The following ASH1L variants were observed in gnomAD, a reference collection of about 807,000 sequenced individuals.
The protein encoded by ASH1L is histone-lysine N-methyltransferase ASH1L.
A neutral mutation model predicts 269.0 loss-of-function variants in ASH1L; 23 were observed. The observed-to-expected ratio is 0.09, with a 90% CI of 0.06 to 0.12. ASH1L has a LOEUF of 0.12. Among genes scored for constraint, ASH1L ranks in the 10% least tolerant of loss-of-function variants. The pLI is 1.00. For missense variants in ASH1L, 2,912 were observed against 3,567.8 expected (o/e 0.82, Z 4.68); for synonymous variants, 1,187 against 1,253.5 (o/e 0.95, Z 1.12).
At chr1:155,556,580 G>A (rs1671607204) in intron 1 of ASH1L, among the ~76,000 whole-genome samples, 1 of 151,986 alleles carries the variant, frequency 6.6e-6, no homozygotes, top group Admixed American at 6.6e-5. Flanking sequence ...GAGTAGCTGG[G>A]ACTACAGGCA....
rs1558075618 is a variant in ASH1L at position 155,411,586 on chromosome 1, A to ATATATAT, written c.6008+4157_6008+4158insATATATA. ...AAATATGAATATAAATAAATAAATAAATATATATATATATATATATATATA... is the reference window on the plus strand; with the variant it reads ...AAATATGAATATAAATAAATAAATAATATATATATATATATATATATATATATATATA... On this transcript the variant is annotated intron_variant, in intron 6 of 27. Transcript: ENST00000392403. Among the ~76,000 whole-genome samples, 58 of 55,168 alleles carry ATATATAT rather than the reference A, an allele frequency of 1.1e-3. 2 individuals are homozygous for ATATATAT. Among genetic ancestry groups the ATATATAT allele is most frequent in the South Asian group, 6.8e-3 (8 of 1,184 alleles). 36.2% of individuals were successfully genotyped at this position (55,168 alleles called of 152,430 possible).
At chr1:155,411,967 C>G (rs569998960) in intron 6 of ASH1L, among the ~76,000 whole-genome samples, 1 of 152,096 alleles carries the variant, frequency 6.6e-6, no homozygotes, top group African/African-American at 2.4e-5. Flanking sequence ...AGAGGCCGGG[C>G]GCTGTGGCTC....
chr1:155,352,154 G>A (rs995786013), intron 17 of ASH1L, among the ~76,000 whole-genome samples: 3 of 151,802 alleles, frequency 2.0e-5, no homozygotes, highest in Admixed American at 1.3e-4. Context: ...TTTCATGTTC[G>A]GTGAGATGAG....
At position 155,480,626 on chromosome 1, in the gene ASH1L, G is replaced by A. The variant is rs370294356; in HGVS notation, c.2244C>T (p.Ser748=). The A allele has an allele frequency of 7.4e-6, 12 of 1,614,010 alleles. No individual in the cohort carries two copies. The highest frequency in any genetic ancestry group is 1.3e-5 in the African/African-American group (1 of 74,934). Residue 748 remains serine, a synonymous_variant, in exon 3 of 28, where the codon AGC becomes AGT. Transcript: ENST00000392403. ...RSELFKNVSC[S]SLSNSNSEPA... is the part of the protein sequence containing the mutation. ...GCTCAGAATTACTATTTGATAGTGAGCTACATGAAACGTTTTTAAAAAGCT... is the reference window on the plus strand; with the variant it reads ...GCTCAGAATTACTATTTGATAGTGAACTACATGAAACGTTTTTAAAAAGCT...
intron 5 of ASH1L, 41 bp from the exon 6 acceptor site, chr1:155,415,964 A>T (rs1558080380): frequency 4.2e-6 from 6 of 1,438,522 alleles, no homozygotes; most frequent in Non-Finnish European, 5.5e-6. Flanking sequence ...TATGAAAAAA[A>T]AGTTTTCCTA....
intron 5 of ASH1L, among the ~76,000 whole-genome samples, chr1:155,417,117 T>C (rs1660283749): frequency 6.6e-6 from 1 of 151,762 alleles, no homozygotes; most frequent in Non-Finnish European, 1.5e-5. Flanking sequence ...GTATTTTTAG[T>C]ACAGACAGGG....
chr1:155,423,507 T>C (rs1339864163), intron 5 of ASH1L, among the ~76,000 whole-genome samples: 1 of 151,890 alleles, frequency 6.6e-6, no homozygotes, highest in African/African-American at 2.4e-5. Context: ...AGGCAGAGGT[T>C]GCAGTGAGCC....
At chr1:155,525,263 A>C (rs1488848062) in intron 1 of ASH1L, among the ~76,000 whole-genome samples, 1 of 152,240 alleles carries the variant, frequency 6.6e-6, no homozygotes, top group East Asian at 1.9e-4. Flanking sequence ...TAAATTAAAA[A>C]AATAAACTCT....
At chr1:155,454,038 G>C (rs1663693386) in intron 4 of ASH1L, among the ~76,000 whole-genome samples, 1 of 152,190 alleles carries the variant, frequency 6.6e-6, no homozygotes, top group Non-Finnish European at 1.5e-5. Flanking sequence ...CTGGGAGGCG[G>C]AGCTTGCAGT....
chr1:155,463,470 A>G (rs945995648), intron 3 of ASH1L, among the ~76,000 whole-genome samples: 1 of 152,184 alleles, frequency 6.6e-6, no homozygotes, highest in Non-Finnish European at 1.5e-5. Context: ...TGACTACTAT[A>G]TATTAATTGA....
rs754645316 is a variant in ASH1L, at chr1:155,489,795, AAAATAAATAAATAAAT to A, written c.421-7362_421-7347del. Among the ~76,000 whole-genome samples, 609 of 141,552 alleles carry A rather than the reference AAAATAAATAAATAAAT, an allele frequency of 4.3e-3. 4 individuals are homozygous for A. Among genetic ancestry groups the A allele is most frequent in the Middle Eastern group, 0.014 (4 of 284 alleles). The allele number at this position is 141,552 out of a possible 152,430, so 92.9% of individuals were successfully genotyped here. ...TAAATAAATGGGGAGACACTGTCTC[AAAATAAATAAATAAAT>A]AAATAAATAAATAAATAAATAAATA... On this transcript the variant is annotated intron_variant, in intron 2 of 27. Coordinates refer to ENST00000392403, the MANE Select transcript of ASH1L (RefSeq NM_018489.3).
chr1:155,480,902 C>T lies in ASH1L; in HGVS notation c.1968G>A (p.Leu656=), dbSNP rs1178891155. The change falls in exon 3 of 28, where the codon TTG becomes TTA. Residue 656 remains leucine, a synonymous_variant. Transcript: ENST00000392403. Reference sequence around the variant, plus strand: ...TAGTATGAATGCTGGATTCAGAAGTCAAACTTGGCTTTTTTCCAAGGGAAG... The same window carrying T: ...TAGTATGAATGCTGGATTCAGAAGTTAAACTTGGCTTTTTTCCAAGGGAAG... The part of the protein sequence containing the change: ...ISSSLGKKPS[L]TSESSIHTIT... The T allele has an allele frequency of 1.9e-6, 3 of 1,613,654 alleles. No homozygotes were observed. Among genetic ancestry groups the T allele is most frequent in the Non-Finnish European group, 2.5e-6 (3 of 1,179,924 alleles).
chr1:155,460,790 C>A (rs1323381482), intron 3 of ASH1L, among the ~76,000 whole-genome samples: 1 of 152,160 alleles, frequency 6.6e-6, no homozygotes, highest in African/African-American at 2.4e-5. Flanking sequence ...TGGCTATATA[C>A]ATAAAAGCTT....
intron 16 of ASH1L, 65 bp from the exon 17 acceptor site, chr1:155,352,923 C>T: frequency 6.9e-7 from 1 of 1,446,912 alleles, no homozygotes; most frequent in South Asian, 1.3e-5. Flanking sequence ...TTCTCTTTCC[C>T]AATGGATTCC....
intron 1 of ASH1L, among the ~76,000 whole-genome samples, chr1:155,521,895 G>A (rs567363466): frequency 6.6e-6 from 1 of 152,286 alleles, no homozygotes; most frequent in East Asian, 1.9e-4. Context: ...GAAACTTACA[G>A]TCAAGCAAAC....
chr1:155,424,637 C>A (rs1660986962), intron 5 of ASH1L, among the ~76,000 whole-genome samples: 1 of 151,956 alleles, frequency 6.6e-6, no homozygotes, highest in African/African-American at 2.4e-5. Context: ...CAACTCCCAA[C>A]CTCAGGTGAT....
At chr1:155,345,425 C>T (rs1354525498) in intron 21 of ASH1L, among the ~76,000 whole-genome samples, 2 of 151,240 alleles carry the variant, frequency 1.3e-5, no homozygotes, top group African/African-American at 4.9e-5. Context: ...CCCCATGATC[C>T]ACCCGCCTTA....
In ASH1L at chr1:155,562,249, C is replaced by T; in HGVS notation, c.-196G>A. On this transcript the variant is annotated 5_prime_UTR_variant, in exon 1 of 28. It adds an upstream start codon to the 5' untranslated region. Transcript: ENST00000392403. ...AGGCTCCTCCGCTTCCCTGGGTCCA[C>T]GGCGGATCCCTCCCGCTTGTCAGGA... 6.2e-7 allele frequency: 1 copy of T among 1,610,206 alleles called. No homozygotes were observed. Among genetic ancestry groups the T allele is most frequent in the Non-Finnish European group, 8.5e-7 (1 of 1,176,942 alleles).
At chr1:155,345,734 C>T (rs1653244143) in intron 21 of ASH1L, among the ~76,000 whole-genome samples, 1 of 151,310 alleles carries the variant, frequency 6.6e-6, no homozygotes, top group Non-Finnish European at 1.5e-5. Flanking sequence ...GCCACTGTGC[C>T]TGGCTAAGTT....
Sources: gnomAD v4.1 joint callset for allele counts (sites outside exome capture counted in the v4.1 genomes callset) on GRCh38, gnomAD v4.1.1 for gene constraint, MANE v1.5 for transcripts, NCBI Gene and HGNC (gene_info 2026-07-23, HGNC 2026-07-21) for gene names.